The following SLC36A1 variants were observed in gnomAD, a reference collection of about 807,000 sequenced individuals.
The protein encoded by SLC36A1 is proton-coupled amino acid transporter 1.
Under a neutral mutation model 47.5 loss-of-function variants are expected in SLC36A1, and 30 were observed. The ratio of observed to expected loss-of-function variants is 0.63; its 90% confidence interval spans 0.47 to 0.86. The LOEUF (loss-of-function observed/expected upper bound fraction) is 0.86. Ranked by LOEUF, SLC36A1 falls within the 40% of genes least tolerant of loss-of-function variation. The pLI is 0.00. For missense variants in SLC36A1, 517 were observed against 606.0 expected (o/e 0.85, Z 1.54); for synonymous variants, 255 against 249.7 (o/e 1.02, Z -0.20).
the SLC36A1 span, among the ~76,000 whole-genome samples, chr5:151,418,814 G>C: frequency 6.6e-6 from 1 of 152,130 alleles, no homozygotes; most frequent in African/African-American, 2.4e-5. Context: ...CATGAAATTT[G>C]GGAAGGGCCA....
At chr5:151,383,060 G>A in the SLC36A1 span, among the ~76,000 whole-genome samples, 5 of 151,998 alleles carry the variant, frequency 3.3e-5, no homozygotes, top group Admixed American at 6.6e-5. Flanking sequence ...CACCGCACCC[G>A]GCCCACAGTC....
the SLC36A1 span, among the ~76,000 whole-genome samples, chr5:151,536,235 A>G: frequency 6.6e-6 from 1 of 151,938 alleles, no homozygotes; most frequent in African/African-American, 2.4e-5. Context: ...AAAAAACGCC[A>G]TTTTTTAAAG....
the SLC36A1 span, among the ~76,000 whole-genome samples, chr5:151,503,108 A>G: frequency 6.8e-6 from 1 of 147,954 alleles, no homozygotes; most frequent in Non-Finnish European, 1.5e-5. Context: ...AGCACAGAGG[A>G]TTTTTAGGGC....
rs533511196 is a variant in SLC36A1 at position 151,484,106 on chromosome 5, C to T, written c.1160-3877C>T. 3.9e-5 allele frequency among the ~76,000 whole-genome samples: 6 copies of T among 152,218 alleles called. No individual in the cohort carries two copies. In the East Asian group the frequency reaches 9.6e-4, roughly 24 times the overall value. On this transcript the variant is annotated intron_variant, in intron 10 of 10. Coordinates refer to ENST00000243389, the MANE Select transcript of SLC36A1 (RefSeq NM_078483.4). ...GATCCCAATCTTCTGTTTCTGTTTC[C>T]ACTTAACTCCCACCACAGAGTGGAG...
chr5:151,423,441 A>G, the SLC36A1 span, among the ~76,000 whole-genome samples: 3 of 152,228 alleles, frequency 2.0e-5, no homozygotes, highest in East Asian at 1.9e-4. Context: ...GGAACAATGG[A>G]GTATTATTTA....
At chr5:151,345,701 A>G in the SLC36A1 span, among the ~76,000 whole-genome samples, 9 of 152,282 alleles carry the variant, frequency 5.9e-5, no homozygotes, top group East Asian at 7.7e-4. Flanking sequence ...ATTTCTAACT[A>G]AAGTACTTAG....
At chr5:151,542,060 G>A in the SLC36A1 span, among the ~76,000 whole-genome samples, 1 of 152,168 alleles carries the variant, frequency 6.6e-6, no homozygotes, top group Non-Finnish European at 1.5e-5. Context: ...TAATGTATAG[G>A]TGCTTTCTAG....
At chr5:151,542,418 A>G in the SLC36A1 span, 1 of 1,614,084 alleles carries the variant, frequency 6.2e-7, no homozygotes, top group Non-Finnish European at 8.5e-7. Context: ...CAAATCGGGG[A>G]GCATTGTCAT....
At chr5:151,463,669 A>G (rs1457205111) in intron 3 of SLC36A1, 26 bp downstream of exon 3, 7 of 1,579,646 alleles carry the variant, frequency 4.4e-6, no homozygotes, top group African/African-American at 1.3e-5. Flanking sequence ...AGTGGAGAGG[A>G]GTGGTGACAA....
At chr5:151,543,789 C>CAGG in the SLC36A1 span, 2 of 1,614,172 alleles carry the variant, frequency 1.2e-6, no homozygotes, top group Non-Finnish European at 1.7e-6. Context: ...AAGAAGAGTC[C>CAGG]AGGTGCTTTT....
At chr5:151,522,327 A>G in the SLC36A1 span, among the ~76,000 whole-genome samples, 1 of 152,228 alleles carries the variant, frequency 6.6e-6, no homozygotes, top group African/African-American at 2.4e-5. Flanking sequence ...ACCATGCAGT[A>G]AAACAATGCA....
At chr5:151,384,337 C>T in the SLC36A1 span, among the ~76,000 whole-genome samples, 1 of 152,162 alleles carries the variant, frequency 6.6e-6, no homozygotes, top group African/African-American at 2.4e-5. Context: ...CTCAGGGTGC[C>T]TCCAAAACAG....
At chr5:151,400,714 C>T in the SLC36A1 span, among the ~76,000 whole-genome samples, 2 of 151,904 alleles carry the variant, frequency 1.3e-5, no homozygotes, top group Non-Finnish European at 2.9e-5. Flanking sequence ...TTATAATAGC[C>T]GTTCTGACTG....
chr5:151,473,577 G>C lies in SLC36A1; in HGVS notation c.724-96G>C, dbSNP rs1757621020. The C allele has an allele frequency of 4.0e-6, 3 of 752,012 alleles. No individual in the cohort carries two copies. In the African/African-American group the frequency reaches 5.3e-5, roughly 13 times the overall value. 46.6% of individuals were successfully genotyped at this position (752,012 alleles called of 1,614,324 possible). On this transcript the variant is annotated intron_variant, in intron 7 of 10. Transcript: ENST00000243389. ...TCTTCCTTTAGAGAATCTTGGATTT[G>C]TTAAAAGGTATGACCTCTCCGATTC...
chr5:151,544,381 G>A, the SLC36A1 span: 2 of 1,614,186 alleles, frequency 1.2e-6, no homozygotes, highest in Non-Finnish European at 1.7e-6. Context: ...TGACCCCAGA[G>A]CTGTATCCGT....
the SLC36A1 span, among the ~76,000 whole-genome samples, chr5:151,348,071 C>A: frequency 5.3e-5 from 8 of 152,174 alleles, no homozygotes; most frequent in Non-Finnish European, 1.0e-4. Context: ...TGTAAGACAT[C>A]CCTTCTTGCA....
chr5:151,500,348 C>G, the SLC36A1 span, among the ~76,000 whole-genome samples: 1 of 151,076 alleles, frequency 6.6e-6, no homozygotes, highest in Non-Finnish European at 1.5e-5. Flanking sequence ...ATGATAGTAC[C>G]TACCTCATTA....
At chr5:151,359,925 G>A in the SLC36A1 span, among the ~76,000 whole-genome samples, 1 of 152,252 alleles carries the variant, frequency 6.6e-6, no homozygotes, top group African/African-American at 2.4e-5. Flanking sequence ...CCATTTACCA[G>A]TTGATGGATC....
the SLC36A1 span, among the ~76,000 whole-genome samples, chr5:151,420,310 C>A: frequency 2.0e-5 from 3 of 152,164 alleles, no homozygotes; most frequent in African/African-American, 7.2e-5. Flanking sequence ...TTAATGAGTC[C>A]CATGCATTCA....
Sources: allele counts gnomAD v4.1 joint callset (sites outside exome capture counted in the v4.1 genomes callset), GRCh38; gene constraint gnomAD v4.1.1; transcripts MANE v1.5; gene names NCBI Gene and HGNC (gene_info 2026-07-23, HGNC 2026-07-21).